Variants in TRIM5 observed in about 807,000 individuals in gnomAD.
The protein encoded by TRIM5 is tripartite motif-containing protein 5.
A neutral mutation model predicts 35.6 loss-of-function variants in TRIM5; 31 were observed. The ratio of observed to expected loss-of-function variants is 0.87; its 90% CI spans 0.65 to 1.18. TRIM5 has a LOEUF of 1.18. TRIM5 is among the 50% of genes most tolerant of loss of function. The pLI is 0.00. For synonymous variants in TRIM5, 243 were observed against 215.6 expected, an observed-to-expected ratio of 1.13 and a Z score of -1.11; for missense variants, 609 against 591.6, an observed-to-expected ratio of 1.03 and a Z score of -0.31.
At chr11:5,610,089 T>G in the TRIM5 span, 1 of 1,585,558 alleles carries the variant, frequency 6.3e-7, no homozygotes, top group Non-Finnish European at 8.6e-7. Context: ...GGGAGATGGG[T>G]GGTGGAGGAA....
intron 4 of TRIM5, among the ~76,000 whole-genome samples, chr11:5,671,359 T>C (rs2880344): frequency 0.52 from 77,336 of 149,722 alleles, 23,737 homozygotes; most frequent in Non-Finnish European, 0.69. Context: ...TATCCCCAAG[T>C]GACCCCAGAT....
the TRIM5 span, among the ~76,000 whole-genome samples, chr11:5,625,852 T>C: frequency 1.3e-5 from 2 of 152,258 alleles, no homozygotes; most frequent in East Asian, 3.8e-4. Context: ...TTGGCATTGA[T>C]TTGTAACCTC....
chr11:5,638,118 T>G, the TRIM5 span, among the ~76,000 whole-genome samples: 71 of 152,330 alleles, frequency 4.7e-4, no homozygotes, highest in African/African-American at 1.7e-3. Context: ...GTGATTATTT[T>G]AAGTTGGACA....
At chr11:5,635,691 G>A in the TRIM5 span, among the ~76,000 whole-genome samples, 4 of 152,182 alleles carry the variant, frequency 2.6e-5, no homozygotes, top group Non-Finnish European at 5.9e-5. Context: ...GATTTGGAAC[G>A]AAGCAGGAGA....
chr11:5,609,740 A>G, the TRIM5 span, among the ~76,000 whole-genome samples: 22 of 152,072 alleles, frequency 1.4e-4, no homozygotes, highest in Admixed American at 3.9e-4. Flanking sequence ...GGCTAACATG[A>G]TGAAACCCTA....
the TRIM5 span, among the ~76,000 whole-genome samples, chr11:5,619,453 C>T: frequency 5.4e-5 from 8 of 149,088 alleles, no homozygotes; most frequent in African/African-American, 1.7e-4. Flanking sequence ...CAGAATGGTT[C>T]TTTTACTCTC....
the TRIM5 span, among the ~76,000 whole-genome samples, chr11:5,620,503 GC>G: frequency 2.0e-5 from 3 of 152,052 alleles, no homozygotes; most frequent in African/African-American, 7.2e-5. Flanking sequence ...GTCCAGCCAA[GC>G]TTTTTTTCTC....
chr11:5,683,196 G>A (rs76975484), intron 1 of TRIM5, among the ~76,000 whole-genome samples: 14,708 of 152,224 alleles, frequency 0.097, 927 homozygotes, highest in East Asian at 0.29. Flanking sequence ...ACGACCCCTT[G>A]GGCTCCTGTG....
intron 6 of TRIM5, 45 bp downstream of exon 6, chr11:5,665,936 A>C: frequency 6.4e-7 from 1 of 1,567,406 alleles, no homozygotes; most frequent in Non-Finnish European, 8.7e-7. Flanking sequence ...GCACCCTAAC[A>C]CCACTTGAAT....
At chr11:5,659,148 TA>T (rs377587371), downstream of TRIM5, among the ~76,000 whole-genome samples, 1 of 146,426 alleles carries the variant, frequency 6.8e-6, no homozygotes, top group African/African-American at 2.6e-5. Flanking sequence ...ACTTAAAGTA[TA>T]AAAAAAAAGA....
At chr11:5,622,936 T>C in the TRIM5 span, among the ~76,000 whole-genome samples, 50 of 152,146 alleles carry the variant, frequency 3.3e-4, no homozygotes, top group African/African-American at 1.2e-3. Flanking sequence ...ATGTGAGACA[T>C]CAATCAATAT....
At chr11:5,657,466 TA>T in the TRIM5 span, among the ~76,000 whole-genome samples, 1 of 140,800 alleles carries the variant, frequency 7.1e-6, no homozygotes, top group Non-Finnish European at 1.5e-5. Flanking sequence ...TATATATATA[TA>T]AAATATTTAT....
chr11:5,646,052 T>C, the TRIM5 span, among the ~76,000 whole-genome samples: 4 of 118,540 alleles, frequency 3.4e-5, no homozygotes, highest in African/African-American at 1.3e-4. Context: ...TATTAGATTA[T>C]ATATGTATAA....
At chr11:5,643,446 T>C in the TRIM5 span, 127 of 1,614,024 alleles carry the variant, frequency 7.9e-5, no homozygotes, top group Non-Finnish European at 1.0e-4. Flanking sequence ...GGTTATAGGG[T>C]TACAGAATAA....
chr11:5,642,898 A>G, the TRIM5 span: 1 of 1,605,790 alleles, frequency 6.2e-7, no homozygotes, highest in East Asian at 2.2e-5. Flanking sequence ...TCAGAAGTTT[A>G]TGGTTTCAAT....
intron 1 of TRIM5, among the ~76,000 whole-genome samples, chr11:5,680,838 A>C (rs1008169151): frequency 6.6e-6 from 1 of 152,256 alleles, no homozygotes; most frequent in African/African-American, 2.4e-5. Context: ...AATAGACATA[A>C]TAAGTGATTT....
the TRIM5 span, among the ~76,000 whole-genome samples, chr11:5,657,670 A>ATTATATT: frequency 2.8e-4 from 26 of 92,452 alleles, no homozygotes; most frequent in African/African-American, 1.2e-3. Context: ...ATATATTTAT[A>ATTATATT]ATATAATATA....
chr11:5,637,908 C>G, the TRIM5 span, among the ~76,000 whole-genome samples: 1 of 152,158 alleles, frequency 6.6e-6, no homozygotes, highest in East Asian at 1.9e-4. Context: ...CTACATGGTA[C>G]TCATTATTTT....
the TRIM5 span, among the ~76,000 whole-genome samples, chr11:5,609,303 C>A: frequency 1.3e-5 from 2 of 152,124 alleles, no homozygotes; most frequent in Non-Finnish European, 2.9e-5. Flanking sequence ...CAGCTAGTGG[C>A]ATAACATTCC....
Sources: gnomAD v4.1 joint callset for allele counts (sites outside exome capture counted in the v4.1 genomes callset) on GRCh38, gnomAD v4.1.1 for gene constraint, MANE v1.5 for transcripts, NCBI Gene and HGNC (gene_info 2026-07-23, HGNC 2026-07-21) for gene names.